The following LAMA2 variants were observed in gnomAD, a reference collection of about 807,000 sequenced individuals.
LAMA2 encodes the protein laminin subunit alpha-2.
Under a neutral mutation model 364.8 loss-of-function variants are expected in LAMA2, and 269 were observed. The ratio of observed to expected loss-of-function variants is 0.74; its 90% CI spans 0.67 to 0.82. The LOEUF is 0.82. Ranked by LOEUF, LAMA2 falls within the 40% of genes least tolerant of loss-of-function variation. LAMA2 has a pLI of 0.00. For missense variants in LAMA2, 3,807 were observed against 3,873.2 expected, an observed-to-expected ratio of 0.98 and a Z score of 0.45; for synonymous variants, 1,379 against 1,370.6, an observed-to-expected ratio of 1.01 and a Z score of -0.14.
intron 1 of LAMA2, among the ~76,000 whole-genome samples, chr6:129,040,219 C>A (rs1786992659): frequency 6.6e-6 from 1 of 152,090 alleles, no homozygotes; most frequent in South Asian, 2.1e-4. Context: ...ATTTCAGGAA[C>A]AAAGGTGACT....
At chr6:129,401,114 T>C (rs1158789432) in intron 37 of LAMA2, 110 bp from the exon 38 acceptor site, 2 of 794,482 alleles carry the variant, frequency 2.5e-6, no homozygotes, top group African/African-American at 3.4e-5. Context: ...TTCAACATGA[T>C]GTACCTTTTT....
rs145885540 is a variant in LAMA2, at chr6:129,464,354, C to A, written c.7057C>A (p.Arg2353Ser). The change falls in exon 50 of 65, where the codon CGT (arginine) becomes AGT (serine). Residue 2353 changes from arginine (R) to serine (S), a missense_variant. Arg to Ser is a moderately radical substitution (Grantham distance 110). Coordinates refer to ENST00000421865, the MANE Select transcript of LAMA2 (RefSeq NM_000426.4). Reference protein sequence around the residue: ...FDGEGYALVSRPIRWYPNIST... With the variant: ...FDGEGYALVSSPIRWYPNIST... ...TGGAGAAGGTTATGCATTGGTCAGCCGTCCCATTCGCTGGTACCCCAACAT... is the reference window on the plus strand; with the variant it reads ...TGGAGAAGGTTATGCATTGGTCAGCAGTCCCATTCGCTGGTACCCCAACAT... 2 of 1,611,372 alleles carry A rather than the reference C, an allele frequency of 1.2e-6. No individual in the cohort carries two copies. Among genetic ancestry groups the A allele is most frequent in the Admixed American group, 1.7e-5 (1 of 59,852 alleles).
At chr6:129,200,697 A>G (rs1782231075) in intron 12 of LAMA2, among the ~76,000 whole-genome samples, 1 of 152,090 alleles carries the variant, frequency 6.6e-6, no homozygotes, top group African/African-American at 2.4e-5. Context: ...AAAAGATATA[A>G]TGACTAAGGC....
chr6:129,426,139 T>C (rs1183335548), intron 40 of LAMA2, among the ~76,000 whole-genome samples: 1 of 152,146 alleles, frequency 6.6e-6, no homozygotes, highest in African/African-American at 2.4e-5. Flanking sequence ...TTTACCTCTA[T>C]ACATTTTATC....
At chr6:129,168,431 C>A (rs922635392) in intron 9 of LAMA2, among the ~76,000 whole-genome samples, 2 of 152,128 alleles carry the variant, frequency 1.3e-5, no homozygotes, top group African/African-American at 4.8e-5. Flanking sequence ...AATCCTTTCC[C>A]CATTGCTTGT....
In LAMA2 at chr6:129,398,731, C is replaced by G. The variant is rs142613908; in HGVS notation, c.5446-2493C>G. ...TCAGGTGATCCACCTGCCTTGGCCT[C>G]CCAAAGTGCTGGGATAACAGGCATG... is the stretch of plus-strand genomic sequence containing the variant. On this transcript the variant is annotated intron_variant, in intron 37 of 64. Coordinates refer to ENST00000421865, the MANE Select transcript of LAMA2 (RefSeq NM_000426.4). Among the ~76,000 whole-genome samples, 423 of 152,130 alleles carry G rather than the reference C, an allele frequency of 2.8e-3. 1 individual carries two copies. Among genetic ancestry groups the G allele is most frequent in the African/African-American group, 9.6e-3 (399 of 41,502 alleles).
intron 17 of LAMA2, among the ~76,000 whole-genome samples, chr6:129,279,715 G>C (rs1412696925): frequency 6.6e-6 from 1 of 152,162 alleles, no homozygotes; most frequent in Admixed American, 6.5e-5. Flanking sequence ...TTTGGCTACA[G>C]AAGAAAGTAT....
intron 9 of LAMA2, among the ~76,000 whole-genome samples, chr6:129,173,235 A>C (rs1262182837): frequency 6.6e-6 from 1 of 152,182 alleles, no homozygotes. Flanking sequence ...TTAGTATCTA[A>C]ATAATATTCT....
At chr6:129,489,502 C>G (rs114055734) in intron 56 of LAMA2, among the ~76,000 whole-genome samples, 149 of 152,236 alleles carry the variant, frequency 9.8e-4, no homozygotes, top group African/African-American at 3.5e-3. Flanking sequence ...TCTTACTGGA[C>G]AAAAACATCA....
intron 4 of LAMA2, among the ~76,000 whole-genome samples, chr6:129,107,304 A>T (rs1007430554): frequency 1.3e-5 from 2 of 152,144 alleles, no homozygotes; most frequent in Non-Finnish European, 2.9e-5. Context: ...CTACGATATG[A>T]TAGTATTTCC....
intron 1 of LAMA2, among the ~76,000 whole-genome samples, chr6:128,961,653 A>T (rs924069274): frequency 6.6e-6 from 1 of 151,686 alleles, no homozygotes; most frequent in Non-Finnish European, 1.5e-5. Context: ...CTGGCGGCTG[A>T]TTAGATTGTG....
At chr6:129,250,526 T>G (rs1453954144) in intron 13 of LAMA2, among the ~76,000 whole-genome samples, 1 of 152,220 alleles carries the variant, frequency 6.6e-6, no homozygotes, top group African/African-American at 2.4e-5. Context: ...TACATGGTTG[T>G]GTTTTTCCTG....
At chr6:129,408,139 T>C (rs4580897) in intron 40 of LAMA2, among the ~76,000 whole-genome samples, 76,237 of 151,902 alleles carry the variant, frequency 0.5, 19,633 homozygotes, top group African/African-American at 0.62. Flanking sequence ...GGGTCACTAG[T>C]GGTGATGGTG....
chr6:129,168,346 G>A (rs1222209545), intron 9 of LAMA2, among the ~76,000 whole-genome samples: 60 of 151,722 alleles, frequency 4.0e-4, no homozygotes, highest in African/African-American at 1.4e-3. Context: ...TTTGTATAAG[G>A]TGTAAGGAAG....
intron 43 of LAMA2, among the ~76,000 whole-genome samples, chr6:129,441,994 A>T (rs561968856): frequency 6.6e-6 from 1 of 151,834 alleles, no homozygotes; most frequent in South Asian, 2.1e-4. Flanking sequence ...AAAAAAAAAA[A>T]GGGGGTTATC....
intron 50 of LAMA2, 133 bp downstream of exon 50, chr6:129,464,585 A>T (rs574823264): frequency 8.7e-6 from 7 of 806,922 alleles, no homozygotes; most frequent in Non-Finnish European, 1.3e-5. Context: ...ATTGTCTGGC[A>T]GCCAAGAATG....
At chr6:129,158,434 T>C (rs1165382245) in intron 8 of LAMA2, 1 of 1,613,986 alleles carries the variant, frequency 6.2e-7, no homozygotes, top group South Asian at 1.1e-5. Context: ...TGTTTGGCAA[T>C]AGTTCGCTGA....
At chr6:129,442,411 A>G (rs1018084260) in intron 43 of LAMA2, among the ~76,000 whole-genome samples, 3 of 152,210 alleles carry the variant, frequency 2.0e-5, no homozygotes, top group Non-Finnish European at 4.4e-5. Context: ...AGTTTACATA[A>G]TAACTTCTTA....
chr6:129,295,413 T>A (rs1189044269), intron 20 of LAMA2, among the ~76,000 whole-genome samples: 1 of 152,166 alleles, frequency 6.6e-6, no homozygotes, highest in Non-Finnish European at 1.5e-5. Context: ...CTCCCATATT[T>A]ATTTTACCTC....
Sources: gnomAD v4.1 joint callset for allele counts (sites outside exome capture counted in the v4.1 genomes callset) on GRCh38, gnomAD v4.1.1 for gene constraint, MANE v1.5 for transcripts, NCBI Gene and HGNC (gene_info 2026-07-23, HGNC 2026-07-21) for gene names.